The following DPY19L4 variants were observed in gnomAD, a reference collection of about 807,000 sequenced individuals.
The protein encoded by DPY19L4 is probable C-mannosyltransferase DPY19L4.
A neutral mutation model predicts 102.8 loss-of-function variants in DPY19L4; 97 were observed. The observed-to-expected ratio is 0.94, with a 90% CI of 0.80 to 1.12. The LOEUF is 1.12. Among genes scored for constraint, DPY19L4 ranks in the 50% most tolerant of loss-of-function variants. The probability of loss-of-function intolerance (pLI) is 0.00; values close to 1 mark genes in which losing one functional copy is unlikely to be tolerated. For synonymous variants in DPY19L4, 252 were observed against 283.1 expected (o/e 0.89, Z 1.10); for missense variants, 815 against 850.4 (o/e 0.96, Z 0.52).
chr8:94,770,701 AGT>A (rs1812890742), intron 13 of DPY19L4, 130 bp downstream of exon 13: 2 of 1,151,604 alleles, frequency 1.7e-6, no homozygotes, highest in Non-Finnish European at 2.4e-6. Context: ...AGTTTGAGAC[AGT>A]GTGACTCTGT....
At chr8:94,773,803 A>G (rs1563610108) in intron 13 of DPY19L4, among the ~76,000 whole-genome samples, 1 of 146,386 alleles carries the variant, frequency 6.8e-6, no homozygotes, top group Admixed American at 7.2e-5. Flanking sequence ...TGGGAGACGG[A>G]GGCAGATGAT....
At chr8:94,767,397 T>A (rs918626738) in intron 11 of DPY19L4, among the ~76,000 whole-genome samples, 2 of 151,082 alleles carry the variant, frequency 1.3e-5, no homozygotes, top group African/African-American at 4.9e-5. Flanking sequence ...GGGTTCATGC[T>A]ATTCTCCTGC....
In DPY19L4 at chr8:94,739,936, A is replaced by T. The variant is rs936969548; in HGVS notation, c.611+146A>T. 6 of 1,089,608 alleles carry T rather than the reference A, an allele frequency of 5.5e-6. No individual in the cohort carries two copies. The East Asian group carries it at 1.4e-4, about 26-fold the overall frequency. 67.5% of individuals were successfully genotyped at this position (1,089,608 alleles called of 1,614,324 possible). Reference sequence around the variant, plus strand: ...GAGATGCCATTCCCATGATTATGATACTTTGTATAGCACATTAGACAGATT... The same window carrying T: ...GAGATGCCATTCCCATGATTATGATTCTTTGTATAGCACATTAGACAGATT... On this transcript the variant is annotated intron_variant, in intron 6 of 18. Coordinates refer to ENST00000414645, the MANE Select transcript of DPY19L4 (RefSeq NM_181787.3).
chr8:94,727,203 A>G (rs1810728463), intron 2 of DPY19L4, among the ~76,000 whole-genome samples: 1 of 152,222 alleles, frequency 6.6e-6, no homozygotes, highest in Non-Finnish European at 1.5e-5. Flanking sequence ...TTCAGAATGA[A>G]GTTGTATTTA....
chr8:94,726,497 G>T, intron 2 of DPY19L4, 56 bp downstream of exon 2: 1 of 1,342,380 alleles, frequency 7.4e-7, no homozygotes, highest in Non-Finnish European at 1.0e-6. Flanking sequence ...ACACTAGAAA[G>T]TATATTTTAT....
intron 6 of DPY19L4, chr8:94,744,566 G>A (rs1424332106): frequency 2.2e-6 from 1 of 456,140 alleles, no homozygotes; most frequent in African/African-American, 2.0e-5. Context: ...GGACCGTCTT[G>A]GAGGCTGGCT....
rs776441000 is a variant in DPY19L4, at chr8:94,739,739, G to A, written c.560G>A (p.Ser187Asn). The A allele has an allele frequency of 1.9e-5, 31 of 1,613,004 alleles. No individual in the cohort carries two copies. Among genetic ancestry groups the A allele is most frequent in the Middle Eastern group, 3.8e-4 (2 of 5,244 alleles). ...TTATTTGTTACAAGTTGGCTTATGA[G>A]TGGAACATGGCTAGCAGGAATGCTT... ...TALFVTSWLM[S>N]GTWLAGMLTV... The change falls in exon 6 of 19, where the codon AGT becomes AAT. Residue 187 changes from serine to asparagine, a missense_variant. Coordinates refer to ENST00000414645, the MANE Select transcript of DPY19L4 (RefSeq NM_181787.3).
intron 1 of DPY19L4, among the ~76,000 whole-genome samples, chr8:94,725,812 AT>A (rs561599311): frequency 8.8e-5 from 13 of 147,456 alleles, no homozygotes; most frequent in Non-Finnish European, 1.1e-4. Flanking sequence ...ATTTTTTGGT[AT>A]TTTTTTTTTA....
At chr8:94,725,811 T>A (rs1810662944) in intron 1 of DPY19L4, among the ~76,000 whole-genome samples, 1 of 151,930 alleles carries the variant, frequency 6.6e-6, no homozygotes, top group Non-Finnish European at 1.5e-5. Flanking sequence ...AATTTTTTGG[T>A]ATTTTTTTTT....
chr8:94,756,149 C>T lies in DPY19L4; in HGVS notation c.725C>T (p.Thr242Ile), dbSNP rs1812155127. The change falls in exon 7 of 19, where the codon ACT becomes ATT. Residue 242 changes from threonine to isoleucine, a missense_variant. Thr to Ile is a moderately conservative substitution (Grantham distance 89). Coordinates refer to ENST00000414645, the MANE Select transcript of DPY19L4 (RefSeq NM_181787.3). ...GGCTATTTAAAAAGCAACTTAAATACTTATGGAGAGGTAAGATACAAATCT... is the reference window on the plus strand; with the variant it reads ...GGCTATTTAAAAAGCAACTTAAATATTTATGGAGAGGTAAGATACAAATCT... ...LTGYLKSNLN[T>I]YGERFCYLLM... 4 of 1,612,976 alleles carry T rather than the reference C, an allele frequency of 2.5e-6. No homozygotes were observed. The highest frequency in any genetic ancestry group is 4.5e-5 in the East Asian group (2 of 44,786).
intron 7 of DPY19L4, among the ~76,000 whole-genome samples, chr8:94,758,445 T>TA (rs1812259060): frequency 6.6e-6 from 1 of 152,168 alleles, no homozygotes; most frequent in Non-Finnish European, 1.5e-5. Context: ...TAAATTTGAG[T>TA]AACTGTCATC....
At chr8:94,736,875 C>A (rs912850908) in intron 3 of DPY19L4, among the ~76,000 whole-genome samples, 9 of 152,192 alleles carry the variant, frequency 5.9e-5, no homozygotes, top group African/African-American at 1.4e-4. Context: ...TCTAACACTT[C>A]AAATATCATT....
At chr8:94,759,815 T>A (rs897699916) in intron 7 of DPY19L4, among the ~76,000 whole-genome samples, 6 of 152,228 alleles carry the variant, frequency 3.9e-5, no homozygotes, top group Non-Finnish European at 8.8e-5. Context: ...TGTACTTTTT[T>A]AAAATCACAT....
chr8:94,783,599 GT>G (rs1261526197), intron 16 of DPY19L4, 70 bp from the exon 17 acceptor site: 1 of 1,526,504 alleles, frequency 6.6e-7, no homozygotes, highest in Non-Finnish European at 8.8e-7. Flanking sequence ...GTATTTCAGA[GT>G]TGATATAGAT....
intron 7 of DPY19L4, among the ~76,000 whole-genome samples, chr8:94,759,952 T>C (rs766318983): frequency 1.3e-5 from 2 of 152,248 alleles, no homozygotes; most frequent in Non-Finnish European, 2.9e-5. Flanking sequence ...TGGTTGATTA[T>C]TGAAGCCTGT....
intron 8 of DPY19L4, among the ~76,000 whole-genome samples, chr8:94,762,778 G>T (rs564264717): frequency 8.7e-4 from 133 of 152,114 alleles, no homozygotes; most frequent in African/African-American, 2.8e-3. Flanking sequence ...GGGGGCTGAG[G>T]CGGGAGGATC....
intron 13 of DPY19L4, among the ~76,000 whole-genome samples, 197 bp downstream of exon 13, chr8:94,770,768 G>A (rs1307339331): frequency 6.6e-6 from 1 of 151,938 alleles, no homozygotes; most frequent in Admixed American, 6.6e-5. Flanking sequence ...AATTAGCTGG[G>A]TGTGGTAGCT....
At chr8:94,779,985 G>GTT (rs200560674) in intron 14 of DPY19L4, among the ~76,000 whole-genome samples, 1 of 150,956 alleles carries the variant, frequency 6.6e-6, no homozygotes, top group Non-Finnish European at 1.5e-5. Context: ...TTAATTCATT[G>GTT]TTTTTTTTGT....
chr8:94,760,791 T>C (rs1294271309), intron 7 of DPY19L4, among the ~76,000 whole-genome samples: 1 of 152,224 alleles, frequency 6.6e-6, no homozygotes. Flanking sequence ...GCATACGTTA[T>C]GGGATTTGTC....
Sources: gnomAD v4.1 joint callset for allele counts (sites outside exome capture counted in the v4.1 genomes callset) on GRCh38, gnomAD v4.1.1 for gene constraint, MANE v1.5 for transcripts, NCBI Gene and HGNC (gene_info 2026-07-23, HGNC 2026-07-21) for gene names.